TMTC2: variants seen among roughly 807,000 people sequenced by gnomAD.
TMTC2 encodes the protein transmembrane O-mannosyltransferase targeting cadherins 2.
TMTC2 carries 43 observed loss-of-function variants against 82.4 expected under a neutral mutation model. The observed-to-expected ratio is 0.52, with a 90% CI of 0.41 to 0.67. TMTC2 has a LOEUF of 0.67. Among genes scored for constraint, TMTC2 ranks in the 30% least tolerant of loss-of-function variants. The pLI is 0.00. For missense variants in TMTC2, 919 were observed against 1,012.4 expected (o/e 0.91, Z 1.25); for synonymous variants, 408 against 381.9 (o/e 1.07, Z -0.80).
At chr12:82,815,305 A>T (rs147831224) in intron 1 of TMTC2, among the ~76,000 whole-genome samples, 2,344 of 145,044 alleles carry the variant, frequency 0.016, 63 homozygotes, top group African/African-American at 0.054. Flanking sequence ...TAATTAATTA[A>T]TTAATTATTT....
At chr12:82,694,900 C>T (rs1872721589) in intron 1 of TMTC2, among the ~76,000 whole-genome samples, 1 of 152,082 alleles carries the variant, frequency 6.6e-6, no homozygotes, top group South Asian at 2.1e-4. Flanking sequence ...CCGAAAAATT[C>T]ACGACTTTTG....
At chr12:83,018,912 A>C (rs1343062525) in intron 8 of TMTC2, among the ~76,000 whole-genome samples, 1 of 152,198 alleles carries the variant, frequency 6.6e-6, no homozygotes, top group Non-Finnish European at 1.5e-5. Context: ...TCCTTGGATA[A>C]GTGTTGATTA....
At chr12:82,853,940 T>G (rs969748292) in intron 1 of TMTC2, among the ~76,000 whole-genome samples, 2 of 152,030 alleles carry the variant, frequency 1.3e-5, no homozygotes, top group Non-Finnish European at 2.9e-5. Context: ...GGCAGTTGTT[T>G]TTTTTTTTCA....
intron 11 of TMTC2, among the ~76,000 whole-genome samples, chr12:83,098,901 A>G (rs1028543774): frequency 1.3e-5 from 2 of 152,202 alleles, no homozygotes; most frequent in Non-Finnish European, 2.9e-5. Flanking sequence ...GAAAATCGAT[A>G]TTAAATACCA....
intron 2 of TMTC2, among the ~76,000 whole-genome samples, chr12:82,859,250 T>C (rs890440064): frequency 6.6e-6 from 1 of 152,058 alleles, no homozygotes; most frequent in Non-Finnish European, 1.5e-5. Flanking sequence ...GTATTTTTAG[T>C]AGAGATGGGG....
intron 8 of TMTC2, among the ~76,000 whole-genome samples, chr12:83,018,769 A>G (rs1880790536): frequency 6.6e-6 from 1 of 152,082 alleles, no homozygotes; most frequent in Admixed American, 6.6e-5. Flanking sequence ...TACCACGGAA[A>G]CTATGCCATC....
At chr12:82,797,596 G>A (rs1427492374) in intron 1 of TMTC2, among the ~76,000 whole-genome samples, 1 of 151,934 alleles carries the variant, frequency 6.6e-6, no homozygotes. Context: ...CCTCAAAAGC[G>A]TATAAAAAAA....
intron 2 of TMTC2, among the ~76,000 whole-genome samples, chr12:82,886,139 T>A (rs889259200): frequency 9.9e-5 from 15 of 152,156 alleles, no homozygotes; most frequent in Non-Finnish European, 1.9e-4. Flanking sequence ...TTTAAGTGGG[T>A]TCCTGTGTCT....
intron 8 of TMTC2, among the ~76,000 whole-genome samples, chr12:82,992,329 G>C (rs1386074668): frequency 6.6e-6 from 1 of 152,096 alleles, no homozygotes; most frequent in Non-Finnish European, 1.5e-5. Flanking sequence ...ACCAATATTT[G>C]GGTTTTTTTG....
chr12:82,890,115 A>C (rs575251235), intron 2 of TMTC2, among the ~76,000 whole-genome samples: 3 of 152,236 alleles, frequency 2.0e-5, no homozygotes, highest in Non-Finnish European at 2.9e-5. Context: ...CTATCTCTTT[A>C]GTTTTGCACT....
chr12:82,923,093 GC>G (rs1209070365), intron 3 of TMTC2, among the ~76,000 whole-genome samples: 2 of 152,108 alleles, frequency 1.3e-5, no homozygotes, highest in Non-Finnish European at 2.9e-5. Context: ...CAGAATGTCT[GC>G]CCCGGGCCAC....
chr12:82,912,173 A>G (rs79011736), intron 3 of TMTC2, among the ~76,000 whole-genome samples: 2,647 of 152,302 alleles, frequency 0.017, 100 homozygotes, highest in East Asian at 0.16. Context: ...TTTAATTATG[A>G]AAAATTTCTC....
At chr12:82,842,276 A>G (rs1870381665) in intron 1 of TMTC2, among the ~76,000 whole-genome samples, 1 of 152,214 alleles carries the variant, frequency 6.6e-6, no homozygotes, top group Non-Finnish European at 1.5e-5. Flanking sequence ...CAATGTAAAT[A>G]TGATGTGACA....
rs1200206558 is a variant in TMTC2, at chr12:83,053,508, GA to G, written c.2267+2491del. 2.6e-5 allele frequency among the ~76,000 whole-genome samples: 4 copies of G among 152,156 alleles called. No homozygotes were observed. In the East Asian group the frequency reaches 7.7e-4, roughly 29 times the overall value. Reference sequence around the variant, plus strand: ...GACCAAAAGAATCTATAAATGGGGGGAGGGGGAGCGGGAGCTGCTCATTACA... The same window carrying G: ...GACCAAAAGAATCTATAAATGGGGGGGGGGGAGCGGGAGCTGCTCATTACA... On this transcript the variant is annotated intron_variant, in intron 10 of 11. Transcript: ENST00000321196.
At chr12:82,815,540 C>T (rs1565762398) in intron 1 of TMTC2, among the ~76,000 whole-genome samples, 1 of 152,074 alleles carries the variant, frequency 6.6e-6, no homozygotes, top group Non-Finnish European at 1.5e-5. Context: ...TCTGGACCTC[C>T]TGCCCTCATG....
intron 8 of TMTC2, among the ~76,000 whole-genome samples, chr12:82,987,419 CAAAAA>C (rs1236293175): frequency 8.4e-5 from 3 of 35,580 alleles, no homozygotes; most frequent in African/African-American, 2.0e-4. Context: ...GACTCCATCT[CAAAAA>C]AAAAAAAAAA....
chr12:83,031,860 A>G (rs966757240), intron 9 of TMTC2, among the ~76,000 whole-genome samples: 4 of 152,308 alleles, frequency 2.6e-5, no homozygotes, highest in African/African-American at 7.2e-5. Context: ...TTGTGTGTCT[A>G]TGTTTACAAA....
At chr12:82,772,705 C>T (rs12369186) in intron 1 of TMTC2, among the ~76,000 whole-genome samples, 18,012 of 152,094 alleles carry the variant, frequency 0.12, 1,104 homozygotes, top group Middle Eastern at 0.21. Context: ...TGTTCCACCC[C>T]CTGAAATAAA....
At chr12:82,920,886 A>G (rs1875352453) in intron 3 of TMTC2, among the ~76,000 whole-genome samples, 1 of 152,312 alleles carries the variant, frequency 6.6e-6, no homozygotes, top group South Asian at 2.1e-4. Context: ...CCCAGCCGGC[A>G]TCTTTGAGCA....
Sources: gnomAD v4.1 joint callset for allele counts (sites outside exome capture counted in the v4.1 genomes callset) on GRCh38, gnomAD v4.1.1 for gene constraint, MANE v1.5 for transcripts, NCBI Gene and HGNC (gene_info 2026-07-23, HGNC 2026-07-21) for gene names.